GRM5: variants seen among roughly 807,000 people sequenced by gnomAD.
GRM5 encodes glutamate metabotropic receptor 5.
Under a neutral mutation model 83.1 loss-of-function variants are expected in GRM5, and 19 were observed. That is an observed-to-expected ratio of 0.23 (90% CI 0.16 to 0.34). GRM5 has a LOEUF of 0.34. GRM5 is among the 10% of genes least tolerant of loss of function. The pLI is 1.00. For missense variants in GRM5, 1,160 were observed against 1,588.3 expected, an observed-to-expected ratio of 0.73 and a Z score of 4.58; for synonymous variants, 675 against 633.6, an observed-to-expected ratio of 1.07 and a Z score of -0.98.
chr11:88,839,260 A>G (rs1944150954), intron 3 of GRM5, among the ~76,000 whole-genome samples: 1 of 152,218 alleles, frequency 6.6e-6, no homozygotes, highest in Non-Finnish European at 1.5e-5. Flanking sequence ...GAAGCTTGGC[A>G]TTGTCTGAAG....
intron 1 of GRM5, among the ~76,000 whole-genome samples, chr11:89,053,540 T>C (rs1941805458): frequency 6.6e-6 from 1 of 152,186 alleles, no homozygotes; most frequent in Non-Finnish European, 1.5e-5. Flanking sequence ...CACACCCTTC[T>C]ATGCCCCAAG....
At chr11:88,823,119 C>T (rs898356292) in intron 3 of GRM5, among the ~76,000 whole-genome samples, 3 of 151,544 alleles carry the variant, frequency 2.0e-5, no homozygotes, top group Admixed American at 1.3e-4. Context: ...TATTCCTTTG[C>T]CTTTTTGTTT....
intron 3 of GRM5, among the ~76,000 whole-genome samples, chr11:88,769,866 T>G (rs1942696551): frequency 6.6e-6 from 1 of 152,022 alleles, no homozygotes. Flanking sequence ...CTCTCCACTG[T>G]TAAGTATGAG....
At chr11:88,624,652 A>AG (rs1938738641) in intron 4 of GRM5, among the ~76,000 whole-genome samples, 1 of 152,242 alleles carries the variant, frequency 6.6e-6, no homozygotes, top group Non-Finnish European at 1.5e-5. Flanking sequence ...ACTGCACTCC[A>AG]GCCTGGGCGA....
intron 2 of GRM5, among the ~76,000 whole-genome samples, chr11:88,902,950 CAAA>C (rs201996144): frequency 3.2e-5 from 2 of 61,904 alleles, no homozygotes; most frequent in Middle Eastern, 9.1e-3. Flanking sequence ...GACTCCATCT[CAAA>C]AAAAAAAAAA....
intron 2 of GRM5, among the ~76,000 whole-genome samples, chr11:89,002,477 A>T (rs1940411910): frequency 6.6e-6 from 1 of 152,160 alleles, no homozygotes; most frequent in Non-Finnish European, 1.5e-5. Flanking sequence ...TGATTCCCAC[A>T]TAAAGACAAG....
chr11:88,642,872 C>T (rs1395654068), intron 4 of GRM5, among the ~76,000 whole-genome samples: 2 of 152,136 alleles, frequency 1.3e-5, no homozygotes, highest in Non-Finnish European at 2.9e-5. Flanking sequence ...TGGTCACTAA[C>T]ATTTAACTAG....
rs551869181 is a variant in GRM5, at chr11:88,507,955, A to G, written c.*637T>C. On this transcript the variant is annotated 3_prime_UTR_variant, in exon 10 of 10. Transcript: ENST00000305447. ...CCAATTGGAGAGGAAAATCTCTGGT[A>G]GAAGCCCTACGTAGTACATTAGCGC... The G allele has an allele frequency of 5.2e-5, 8 of 152,658 alleles. 1 individual carries two copies. The South Asian group carries it at 1.7e-3, about 32-fold the overall frequency. The allele number at this position is 152,658 out of a possible 1,614,324, so 9.5% of individuals were successfully genotyped here.
chr11:88,668,756 T>C (rs1298331786), intron 3 of GRM5, among the ~76,000 whole-genome samples: 2 of 152,208 alleles, frequency 1.3e-5, no homozygotes, highest in African/African-American at 4.8e-5. Context: ...TTAGAACTTA[T>C]TCGTCTTGCA....
intron 3 of GRM5, among the ~76,000 whole-genome samples, chr11:88,801,048 A>C (rs2135486289): frequency 6.6e-6 from 1 of 152,240 alleles, no homozygotes; most frequent in Admixed American, 6.5e-5. Context: ...AGAAATCCAA[A>C]GTCATTGGCT....
At chr11:88,536,026 A>G (rs528822414) in intron 8 of GRM5, among the ~76,000 whole-genome samples, 2 of 152,358 alleles carry the variant, frequency 1.3e-5, no homozygotes, top group African/African-American at 4.8e-5. Context: ...CCTTATAATC[A>G]TGGAAGAAAC....
intron 2 of GRM5, among the ~76,000 whole-genome samples, chr11:88,894,870 T>C (rs184973102): frequency 2.3e-3 from 357 of 152,064 alleles, no homozygotes; most frequent in Non-Finnish European, 4.2e-3. Context: ...AATGTGAAGA[T>C]TGTCATCAAC....
Position 88,505,997 on chromosome 11 carries a change from C to G in GRM5, c.*2595G>C, listed in dbSNP as rs1374416057. The G allele has an allele frequency of 6.6e-6, 1 of 152,054 alleles. No individual in the cohort carries two copies. The highest frequency in any genetic ancestry group is 1.5e-5 in the Non-Finnish European group (1 of 68,000). The allele number at this position is 152,054 out of a possible 1,614,324, so 9.4% of individuals were successfully genotyped here. A position where few individuals can be genotyped will look rare whatever the true frequency, so the allele number is the denominator to read the frequency against. ...AGCATCATTCCAAAATAAAAGATCTCAAGAATGCATTACTAATAATCTTAT... is the reference window on the plus strand; with the variant it reads ...AGCATCATTCCAAAATAAAAGATCTGAAGAATGCATTACTAATAATCTTAT... On this transcript the variant is annotated 3_prime_UTR_variant, in exon 10 of 10. Transcript: ENST00000305447.
chr11:88,708,471 G>A (rs1037980170), intron 3 of GRM5, among the ~76,000 whole-genome samples: 2 of 152,202 alleles, frequency 1.3e-5, no homozygotes, highest in Admixed American at 6.5e-5. Context: ...TAAAGACTTT[G>A]AGGTATGAGT....
chr11:88,942,172 C>T (rs1938137032), intron 2 of GRM5, among the ~76,000 whole-genome samples: 1 of 151,964 alleles, frequency 6.6e-6, no homozygotes, highest in South Asian at 2.1e-4. Context: ...TTGACTTGTG[C>T]TGTAAGTATT....
intron 2 of GRM5, among the ~76,000 whole-genome samples, chr11:89,029,894 G>A (rs1236915582): frequency 1.3e-5 from 2 of 152,088 alleles, no homozygotes; most frequent in Admixed American, 6.6e-5. Flanking sequence ...CAGTGCCACG[G>A]GAAGCAACAA....
At chr11:88,691,489 T>A (rs1335645136) in intron 3 of GRM5, among the ~76,000 whole-genome samples, 4 of 152,160 alleles carry the variant, frequency 2.6e-5, no homozygotes, top group Non-Finnish European at 5.9e-5. Context: ...TAGCAAAGAT[T>A]TCACCTACAT....
intron 3 of GRM5, among the ~76,000 whole-genome samples, chr11:88,744,675 T>C (rs930613867): frequency 6.6e-6 from 1 of 152,144 alleles, no homozygotes; most frequent in African/African-American, 2.4e-5. Flanking sequence ...TGCACCATGA[T>C]GCCTTCCTAA....
rs111947884 is a variant in GRM5, at chr11:88,545,654, C to T, written c.2631-20250G>A. Among the ~76,000 whole-genome samples the T allele has an allele frequency of 2.3e-3, 357 of 152,194 alleles. 4 individuals are homozygous for T. The highest frequency in any genetic ancestry group is 7.9e-3 in the African/African-American group (330 of 41,536). On this transcript the variant is annotated intron_variant, in intron 8 of 9. Transcript: ENST00000305447. ...CTTTAAGTATTCTCTTTTCTTTATACGCAACATTCAATCAGTTATTAAGTT... is the reference window on the plus strand; with the variant it reads ...CTTTAAGTATTCTCTTTTCTTTATATGCAACATTCAATCAGTTATTAAGTT...
Sources: gnomAD v4.1 joint callset for allele counts (sites outside exome capture counted in the v4.1 genomes callset) on GRCh38, gnomAD v4.1.1 for gene constraint, MANE v1.5 for transcripts, NCBI Gene and HGNC (gene_info 2026-07-23, HGNC 2026-07-21) for gene names.